Variants in INO80D observed in about 807,000 individuals in gnomAD.
The protein encoded by INO80D is INO80 complex subunit D.
Under a neutral mutation model 87.6 loss-of-function variants are expected in INO80D, and 21 were observed. That is an observed-to-expected ratio of 0.24 (90% CI 0.17 to 0.35). The LOEUF (loss-of-function observed/expected upper bound fraction) is 0.35. INO80D is among the 10% of genes least tolerant of loss of function. The probability of loss-of-function intolerance (pLI) is 1.00; values close to 1 mark genes in which losing one functional copy is unlikely to be tolerated. For missense variants in INO80D, 982 were observed against 1,280.7 expected, an observed-to-expected ratio of 0.77 and a Z score of 3.56; for synonymous variants, 440 against 491.0, an observed-to-expected ratio of 0.90 and a Z score of 1.37.
chr2:206,080,668 G>A (rs2105913053), intron 1 of INO80D, among the ~76,000 whole-genome samples: 1 of 152,038 alleles, frequency 6.6e-6, no homozygotes, highest in Middle Eastern at 3.4e-3. Context: ...AGCACTTTGG[G>A]AGGCCAAGGC....
intron 1 of INO80D, among the ~76,000 whole-genome samples, chr2:206,079,376 C>T (rs1690213138): frequency 6.6e-6 from 1 of 152,064 alleles, no homozygotes; most frequent in Non-Finnish European, 1.5e-5. Context: ...CCAAGCCTAC[C>T]CCAGGTTTCA....
chr2:206,080,968 A>G (rs1417738673), intron 1 of INO80D, among the ~76,000 whole-genome samples: 1 of 151,490 alleles, frequency 6.6e-6, no homozygotes, highest in Non-Finnish European at 1.5e-5. Flanking sequence ...AAAGTTATGC[A>G]CCAGAAAAAG....
Position 206,009,659 on chromosome 2 carries a change from T to G in INO80D, c.1678A>C (p.Lys560Gln). Residue 560 changes from lysine to glutamine, a missense_variant, in exon 9 of 11, where the codon AAA (lysine) becomes CAA (glutamine). Lys to Gln is a moderately conservative substitution (Grantham distance 53, BLOSUM62 1). Coordinates refer to ENST00000403263, the MANE Select transcript of INO80D (RefSeq NM_017759.5). The stretch of plus-strand genomic sequence containing the variant: ...TGGGGGACTGCAGGTGGAATGGGTT[T>G]TTGGGGTCGACGAGGTCCACGCCTT... ...KRRRGPRRPQ[K>Q]PIPPAVPQGN... The G allele has an allele frequency of 6.2e-7, 1 of 1,613,936 alleles. No homozygotes were observed.
intron 1 of INO80D, among the ~76,000 whole-genome samples, chr2:206,081,125 C>CA (rs904654127): frequency 6.6e-6 from 1 of 152,060 alleles, no homozygotes; most frequent in Non-Finnish European, 1.5e-5. Flanking sequence ...GAGACTTAAT[C>CA]AGATTAAGTA....
intron 5 of INO80D, among the ~76,000 whole-genome samples, 180 bp downstream of exon 5, chr2:206,046,324 A>G (rs116258218): frequency 0.011 from 1,710 of 152,178 alleles, 37 homozygotes; most frequent in African/African-American, 0.039. Flanking sequence ...ATCACTTGAG[A>G]TCAGGAGTTC....
intron 1 of INO80D, among the ~76,000 whole-genome samples, chr2:206,076,436 A>G (rs1690118742): frequency 6.6e-6 from 1 of 152,236 alleles, no homozygotes; most frequent in Non-Finnish European, 1.5e-5. Flanking sequence ...AGATGACTAT[A>G]TTGATTTTAA....
At position 206,009,569 on chromosome 2, in the gene INO80D, C is replaced by T. The variant is rs779811287; in HGVS notation, c.1760+8G>A. On this transcript the variant is annotated splice_region_variant and intron_variant, in intron 9 of 10. Coordinates refer to ENST00000403263, the MANE Select transcript of INO80D (RefSeq NM_017759.5). ...AAAGAAAAATTAGGTGCCAGTGGCA[C>T]CACTGACCGGATGTGAGAGGCCTCC... The T allele has an allele frequency of 1.6e-5, 25 of 1,603,376 alleles. No homozygotes were observed. Among genetic ancestry groups the T allele is most frequent in the Non-Finnish European group, 2.0e-5 (24 of 1,175,268 alleles).
At chr2:206,030,227 A>G (rs916754751) in intron 5 of INO80D, among the ~76,000 whole-genome samples, 2 of 152,224 alleles carry the variant, frequency 1.3e-5, no homozygotes, top group Admixed American at 1.3e-4. Context: ...AATCCCTGCA[A>G]TTTTGGGAGG....
At chr2:206,011,506 T>C (rs923601540) in intron 8 of INO80D, among the ~76,000 whole-genome samples, 1 of 152,184 alleles carries the variant, frequency 6.6e-6, no homozygotes, top group Admixed American at 6.5e-5. Flanking sequence ...TTCTTTTACC[T>C]AGCTTCAGTG....
intron 9 of INO80D, among the ~76,000 whole-genome samples, chr2:206,008,818 C>T (rs1431931691): frequency 6.6e-6 from 1 of 152,150 alleles, no homozygotes; most frequent in Non-Finnish European, 1.5e-5. Context: ...TGTCTTAATG[C>T]TTTTTAGTAG....
At chr2:206,051,971 C>G (rs2105875090) in intron 4 of INO80D, among the ~76,000 whole-genome samples, 1 of 152,256 alleles carries the variant, frequency 6.6e-6, no homozygotes, top group Non-Finnish European at 1.5e-5. Flanking sequence ...TCATGCCATG[C>G]CTCGCAGTTG....
chr2:206,024,219 A>C (rs1443840300), intron 6 of INO80D, among the ~76,000 whole-genome samples: 1 of 152,182 alleles, frequency 6.6e-6, no homozygotes, highest in African/African-American at 2.4e-5. Flanking sequence ...TCGTTCATCA[A>C]TACTGGAGAT....
intron 7 of INO80D, among the ~76,000 whole-genome samples, chr2:206,018,233 C>T (rs558665933): frequency 2.6e-5 from 4 of 152,160 alleles, no homozygotes; most frequent in Admixed American, 6.5e-5. Context: ...CTCGGCCTCC[C>T]GGGTTCAAGC....
chr2:206,036,583 G>A (rs1179461102), intron 5 of INO80D, among the ~76,000 whole-genome samples: 1 of 152,128 alleles, frequency 6.6e-6, no homozygotes, highest in Non-Finnish European at 1.5e-5. Flanking sequence ...GACTTGGGGG[G>A]AAGGGTGGAA....
At chr2:206,038,514 T>C (rs1688950052) in intron 5 of INO80D, among the ~76,000 whole-genome samples, 1 of 152,058 alleles carries the variant, frequency 6.6e-6, no homozygotes, top group Non-Finnish European at 1.5e-5. Context: ...TAACTGCTCA[T>C]CAAAAAGTAA....
At position 206,056,111 on chromosome 2, in the gene INO80D, T is replaced by C. The variant is rs140784362; in HGVS notation, c.964+87A>G. 381 of 1,306,058 alleles carry C rather than the reference T, an allele frequency of 2.9e-4. No homozygotes were observed. The African/African-American group carries it at 5.0e-3, about 17-fold the overall frequency. 80.9% of individuals were successfully genotyped at this position (1,306,058 alleles called of 1,614,324 possible). On this transcript the variant is annotated intron_variant, in intron 4 of 10. Coordinates refer to ENST00000403263, the MANE Select transcript of INO80D (RefSeq NM_017759.5). Reference sequence around the variant, plus strand: ...ATTGTGATTCCACCCCCATCACATATGGGGTAATTATGAAAGGGAAGCTCC... The same window carrying C: ...ATTGTGATTCCACCCCCATCACATACGGGGTAATTATGAAAGGGAAGCTCC...
chr2:206,013,625 C>A (rs1295486694), intron 8 of INO80D, among the ~76,000 whole-genome samples: 2 of 151,540 alleles, frequency 1.3e-5, no homozygotes, highest in Non-Finnish European at 2.9e-5. Flanking sequence ...CACTGAAGTA[C>A]AGTTTTTTCT....
At chr2:206,081,932 C>A (rs183075793) in intron 1 of INO80D, among the ~76,000 whole-genome samples, 233 of 152,168 alleles carry the variant, frequency 1.5e-3, no homozygotes, top group African/African-American at 5.3e-3. Context: ...ATAACTTGCC[C>A]AGCGGAAGGA....
chr2:206,046,711 T>A, intron 4 of INO80D, 99 bp from the exon 5 acceptor site: 1 of 698,698 alleles, frequency 1.4e-6, no homozygotes, highest in Admixed American at 2.3e-5. Flanking sequence ...AACATACCTA[T>A]TGCAAGTACT....
Sources: gnomAD v4.1 joint callset for allele counts (sites outside exome capture counted in the v4.1 genomes callset) on GRCh38, gnomAD v4.1.1 for gene constraint, MANE v1.5 for transcripts, NCBI Gene and HGNC (gene_info 2026-07-23, HGNC 2026-07-21) for gene names.